The following PTPRT variants were observed in gnomAD, a reference collection of about 807,000 sequenced individuals.
PTPRT encodes protein tyrosine phosphatase receptor type T, also known as receptor-type tyrosine-protein phosphatase T.
PTPRT carries 56 observed loss-of-function variants against 176.8 expected under a neutral mutation model. That is an observed-to-expected ratio of 0.32 (90% confidence interval 0.26 to 0.40). The LOEUF is 0.40. PTPRT is among the 10% of genes least tolerant of loss of function. The pLI, the probability that PTPRT is intolerant of heterozygous loss-of-function variation, is 1.00. For synonymous variants in PTPRT, 783 were observed against 739.0 expected (o/e 1.06, Z -0.96); for missense variants, 1,540 against 1,908.2 (o/e 0.81, Z 3.60).
chr20:42,813,552 G>A (rs2077732370), intron 2 of PTPRT, among the ~76,000 whole-genome samples: 1 of 151,402 alleles, frequency 6.6e-6, no homozygotes, highest in South Asian at 2.1e-4. Context: ...TTCTGCCTAG[G>A]TGACTCCACT....
chr20:42,151,260 C>G (rs1328528991), intron 17 of PTPRT, among the ~76,000 whole-genome samples: 1 of 151,950 alleles, frequency 6.6e-6, no homozygotes, highest in Non-Finnish European at 1.5e-5. Context: ...GGTTTCAAGC[C>G]CCGCATACAT....
intron 2 of PTPRT, among the ~76,000 whole-genome samples, chr20:42,867,775 AG>A (rs5841477): frequency 0.013 from 1,834 of 139,078 alleles, 41 homozygotes; most frequent in African/African-American, 0.048. Flanking sequence ...TCCACCTCCC[AG>A]GTTTAAGCGA....
intron 1 of PTPRT, among the ~76,000 whole-genome samples, chr20:42,918,611 A>G (rs1043851010): frequency 6.6e-6 from 1 of 151,930 alleles, no homozygotes; most frequent in Non-Finnish European, 1.5e-5. Flanking sequence ...CCCTTTTCCC[A>G]TTGCAATCAT....
At chr20:43,110,709 T>G (rs1479581511) in intron 1 of PTPRT, among the ~76,000 whole-genome samples, 2 of 152,078 alleles carry the variant, frequency 1.3e-5, no homozygotes, top group Admixed American at 1.3e-4. Flanking sequence ...TCCCAGGAAG[T>G]GGGGAGGTAG....
At chr20:43,007,639 C>A (rs942844065) in intron 1 of PTPRT, among the ~76,000 whole-genome samples, 1 of 152,120 alleles carries the variant, frequency 6.6e-6, no homozygotes, top group African/African-American at 2.4e-5. Flanking sequence ...AAATCCAAAC[C>A]CACCACCCAA....
Position 42,102,238 on chromosome 20 carries a change from G to C in PTPRT, c.3600C>G (p.Pro1200=). The C allele has an allele frequency of 1.2e-6, 2 of 1,614,170 alleles. No individual in the cohort carries two copies. Among genetic ancestry groups the C allele is most frequent in the Non-Finnish European group, 1.7e-6 (2 of 1,180,036 alleles). ...RPEDCSIGLL[P]RNHDKNRSMD... ...TACTTCGATTCTTATCATGGTTCCG[G>C]GGCAGGAGCCCAATGCTGCAGTCCT... The change falls in exon 26 of 31, where the codon CCC becomes CCG. Residue 1200 remains proline, a synonymous_variant. Coordinates refer to ENST00000373187, the MANE Select transcript of PTPRT (RefSeq NM_007050.6).
At position 42,791,480 on chromosome 20, in the gene PTPRT, A is replaced by G. The variant is rs750864903; in HGVS notation, c.215-14T>C. 1.2e-6 allele frequency: 2 copies of G among 1,602,610 alleles called. No individual in the cohort carries two copies. Among genetic ancestry groups the G allele is most frequent in the Non-Finnish European group, 1.7e-6 (2 of 1,173,672 alleles). ...TCATGAAAGATCCTGGAGACCCACAAAGCAGGTGGGAAGTAGAGACAAAGA... is the reference window on the plus strand; with the variant it reads ...TCATGAAAGATCCTGGAGACCCACAGAGCAGGTGGGAAGTAGAGACAAAGA... On this transcript the variant is annotated splice_polypyrimidine_tract_variant and intron_variant, in intron 2 of 30. Coordinates refer to ENST00000373187, the MANE Select transcript of PTPRT (RefSeq NM_007050.6).
chr20:42,528,205 CT>C (rs1018218550), intron 7 of PTPRT, among the ~76,000 whole-genome samples: 26 of 152,038 alleles, frequency 1.7e-4, no homozygotes, highest in Admixed American at 1.7e-3. Context: ...CACATTTTGC[CT>C]TTTCATGCTT....
chr20:42,914,637 C>T (rs1347391409), intron 1 of PTPRT, among the ~76,000 whole-genome samples: 1 of 152,118 alleles, frequency 6.6e-6, no homozygotes, highest in African/African-American at 2.4e-5. Context: ...ACAGCCAAAA[C>T]TAGAGGAAAC....
chr20:43,100,809 G>T (rs566740062), intron 1 of PTPRT, among the ~76,000 whole-genome samples: 1 of 151,106 alleles, frequency 6.6e-6, no homozygotes, highest in South Asian at 2.1e-4. Context: ...GTGCCCAGGT[G>T]GGAGAACCTA....
intron 1 of PTPRT, among the ~76,000 whole-genome samples, chr20:43,084,931 T>C (rs1324962369): frequency 6.6e-6 from 1 of 152,218 alleles, no homozygotes; most frequent in Non-Finnish European, 1.5e-5. Flanking sequence ...ATAAACAAAT[T>C]CATTTTAATA....
At chr20:43,055,112 C>T (rs1987185464) in intron 1 of PTPRT, among the ~76,000 whole-genome samples, 1 of 152,146 alleles carries the variant, frequency 6.6e-6, no homozygotes, top group Admixed American at 6.5e-5. Flanking sequence ...ACTTTTCAGC[C>T]TCATTAAATA....
chr20:42,575,939 A>G (rs1405978361), intron 7 of PTPRT, among the ~76,000 whole-genome samples: 2 of 152,146 alleles, frequency 1.3e-5, no homozygotes, highest in South Asian at 2.1e-4. Flanking sequence ...AGCCAGAGTG[A>G]GCATATAAAA....
At chr20:42,569,491 A>T (rs1215749889) in intron 7 of PTPRT, among the ~76,000 whole-genome samples, 1 of 152,180 alleles carries the variant, frequency 6.6e-6, no homozygotes, top group Non-Finnish European at 1.5e-5. Flanking sequence ...GCCTGTAATG[A>T]ATCAACTAAT....
At chr20:42,725,972 T>A (rs926893998) in intron 6 of PTPRT, among the ~76,000 whole-genome samples, 2 of 151,972 alleles carry the variant, frequency 1.3e-5, no homozygotes, top group African/African-American at 4.8e-5. Flanking sequence ...CACCTCAAAA[T>A]CCTTAACTCC....
Position 42,177,311 on chromosome 20 carries a change from T to C in PTPRT, c.2492-15769A>G, listed in dbSNP as rs1255858860. Among the ~76,000 whole-genome samples, 46 of 152,186 alleles carry C rather than the reference T, an allele frequency of 3.0e-4. 1 individual carries two copies. Among genetic ancestry groups the C allele is most frequent in the Admixed American group, 3.0e-3 (46 of 15,274 alleles). On this transcript the variant is annotated intron_variant, in intron 16 of 30. Transcript: ENST00000373187. ...GGGAGCTTCCAGTTAAAAGATACAA[T>C]GTGTTCTTTAAAGGTCCTGGAATTT... is the stretch of plus-strand genomic sequence containing the variant.
chr20:42,683,014 C>G (rs186791401), intron 6 of PTPRT, among the ~76,000 whole-genome samples: 1 of 152,266 alleles, frequency 6.6e-6, no homozygotes, highest in African/African-American at 2.4e-5. Context: ...GTGAAGTGAG[C>G]CTTGATATGA....
At chr20:42,646,349 AT>A (rs1411389422) in intron 7 of PTPRT, among the ~76,000 whole-genome samples, 1 of 152,124 alleles carries the variant, frequency 6.6e-6, no homozygotes, top group Non-Finnish European at 1.5e-5. Context: ...GTAAATTGTT[AT>A]TGGAACACAG....
At chr20:42,243,234 T>C (rs1233282260) in intron 14 of PTPRT, among the ~76,000 whole-genome samples, 1 of 152,150 alleles carries the variant, frequency 6.6e-6, no homozygotes. Context: ...GGGGAGTAGG[T>C]AATGATTTTG....
Sources: gnomAD v4.1 joint callset for allele counts (sites outside exome capture counted in the v4.1 genomes callset) on GRCh38, gnomAD v4.1.1 for gene constraint, MANE v1.5 for transcripts, NCBI Gene and HGNC (gene_info 2026-07-23, HGNC 2026-07-21) for gene names.